CORO2B: variants seen among roughly 807,000 people sequenced by gnomAD.
The protein encoded by CORO2B is coronin-2B.
In CORO2B, 26 loss-of-function variants were observed where a neutral mutation model predicts 58.8. The observed-to-expected ratio is 0.44, with a 90% CI of 0.32 to 0.61. CORO2B has a LOEUF of 0.61. CORO2B is among the 20% of genes least tolerant of loss of function. CORO2B has a pLI of 0.04. For synonymous variants in CORO2B, 242 were observed against 253.8 expected (o/e 0.95, Z 0.44); for missense variants, 460 against 645.1 (o/e 0.71, Z 3.11).
At chr15:68,523,188 T>C in the CORO2B span, among the ~76,000 whole-genome samples, 1 of 151,898 alleles carries the variant, frequency 6.6e-6, no homozygotes, top group Admixed American at 6.6e-5. Context: ...TTCTTTTCTT[T>C]CTTTTTTCTT....
intron 1 of CORO2B, among the ~76,000 whole-genome samples, chr15:68,585,408 C>G (rs1039059325): frequency 6.6e-6 from 1 of 152,200 alleles, no homozygotes; most frequent in Non-Finnish European, 1.5e-5. Flanking sequence ...GCGTTGGGCA[C>G]GCATGATCGC....
At chr15:68,628,896 T>C (rs1417720516) in intron 1 of CORO2B, among the ~76,000 whole-genome samples, 1 of 152,156 alleles carries the variant, frequency 6.6e-6, no homozygotes, top group Non-Finnish European at 1.5e-5. Context: ...ATGTGGAAGA[T>C]AAGGCAAGCT....
At chr15:68,627,387 T>G (rs143855037) in intron 1 of CORO2B, among the ~76,000 whole-genome samples, 5 of 152,204 alleles carry the variant, frequency 3.3e-5, no homozygotes, top group African/African-American at 1.2e-4. Context: ...GACCTTCAAG[T>G]GCAGGTGGGT....
intron 2 of CORO2B, among the ~76,000 whole-genome samples, chr15:68,654,627 C>A (rs1226183795): frequency 6.6e-6 from 1 of 152,232 alleles, no homozygotes; most frequent in African/African-American, 2.4e-5. Flanking sequence ...ATCTGTTTCT[C>A]AGTTTCCCTG....
At chr15:68,580,059 C>T (rs1899387926) in intron 1 of CORO2B, among the ~76,000 whole-genome samples, 1 of 152,244 alleles carries the variant, frequency 6.6e-6, no homozygotes. Context: ...AGTTCAATCC[C>T]AGCTCTATCC....
intron 1 of CORO2B, among the ~76,000 whole-genome samples, chr15:68,641,068 C>T (rs1595983990): frequency 6.6e-6 from 1 of 152,264 alleles, no homozygotes; most frequent in East Asian, 1.9e-4. Context: ...CTTTCAAAGG[C>T]CCAGCAGAGA....
chr15:68,533,585 C>T, the CORO2B span, among the ~76,000 whole-genome samples: 891 of 152,302 alleles, frequency 5.9e-3, 10 homozygotes, highest in African/African-American at 0.02. Flanking sequence ...ACTGCTACTC[C>T]TTTGTGGTAA....
intron 1 of CORO2B, among the ~76,000 whole-genome samples, chr15:68,633,510 AACAT>A (rs1020508766): frequency 1.5e-4 from 8 of 51,756 alleles, no homozygotes; most frequent in African/African-American, 6.8e-4. Flanking sequence ...TGGTTACTCC[AACAT>A]ACACACACAC....
At chr15:68,652,314 A>C (rs1468615946) in intron 2 of CORO2B, among the ~76,000 whole-genome samples, 1 of 152,194 alleles carries the variant, frequency 6.6e-6, no homozygotes, top group Admixed American at 6.5e-5. Context: ...GGGAGCAATC[A>C]GCACCCTGAT....
At chr15:68,577,943 G>T (rs182000557), upstream of CORO2B, among the ~76,000 whole-genome samples, 181 of 152,242 alleles carry the variant, frequency 1.2e-3, 1 homozygote, top group Non-Finnish European at 2.3e-3. Flanking sequence ...CGTGGAGCAG[G>T]AAGCCAGCAC....
At chr15:68,550,121 A>G in the CORO2B span, among the ~76,000 whole-genome samples, 8 of 152,026 alleles carry the variant, frequency 5.3e-5, no homozygotes, top group Admixed American at 1.3e-4. Context: ...TGAGGGGTGG[A>G]TGGAGCGTGC....
the CORO2B span, among the ~76,000 whole-genome samples, chr15:68,568,207 C>A: frequency 1.3e-5 from 2 of 152,126 alleles, no homozygotes; most frequent in Non-Finnish European, 2.9e-5. Context: ...TACCACTGAC[C>A]AGCGGTATGA....
chr15:68,642,296 C>A (rs1566993073), intron 1 of CORO2B, among the ~76,000 whole-genome samples: 1 of 152,118 alleles, frequency 6.6e-6, no homozygotes, highest in African/African-American at 2.4e-5. Flanking sequence ...TCTAGGTGTG[C>A]GTGGCTTCCA....
At chr15:68,632,521 G>A (rs1427113727) in intron 1 of CORO2B, among the ~76,000 whole-genome samples, 1 of 152,184 alleles carries the variant, frequency 6.6e-6, no homozygotes, top group African/African-American at 2.4e-5. Flanking sequence ...GTTGGAATGT[G>A]AATTTTTTTG....
chr15:68,548,250 C>A, the CORO2B span, among the ~76,000 whole-genome samples: 4 of 151,010 alleles, frequency 2.6e-5, no homozygotes, highest in African/African-American at 9.8e-5. Flanking sequence ...TAATTCTTTT[C>A]TTTTAAATTC....
chr15:68,627,765 C>T (rs943274963), intron 1 of CORO2B, among the ~76,000 whole-genome samples: 1 of 152,090 alleles, frequency 6.6e-6, no homozygotes, highest in Non-Finnish European at 1.5e-5. Context: ...AGCCTCATCT[C>T]CCTCTGTCTG....
intron 3 of CORO2B, among the ~76,000 whole-genome samples, chr15:68,699,474 G>C (rs2140316632): frequency 6.6e-6 from 1 of 152,192 alleles, no homozygotes; most frequent in South Asian, 2.1e-4. Flanking sequence ...GGCTGGAGGA[G>C]TGAAGGGAAG....
At chr15:68,653,486 C>G (rs1901706640) in intron 2 of CORO2B, among the ~76,000 whole-genome samples, 1 of 152,300 alleles carries the variant, frequency 6.6e-6, no homozygotes, top group East Asian at 1.9e-4. Context: ...GGGGTCTCTT[C>G]TTTGCTGATC....
upstream of CORO2B, among the ~76,000 whole-genome samples, chr15:68,578,662 C>T (rs1042512382): frequency 1.3e-5 from 2 of 152,140 alleles, no homozygotes; most frequent in African/African-American, 4.8e-5. The surrounding 1 kb of genome is among the most constrained non-coding windows in gnomAD (Gnocchi z 4.2). Context: ...GCCGTCCAGC[C>T]TGTGACTTCA....
Sources: allele counts gnomAD v4.1 joint callset (sites outside exome capture counted in the v4.1 genomes callset), GRCh38; gene constraint gnomAD v4.1.1; non-coding constraint Gnocchi (gnomAD v3.1); transcripts MANE v1.5; gene names NCBI Gene and HGNC (gene_info 2026-07-23, HGNC 2026-07-21).